The following VGLL3 variants were observed in gnomAD, a reference collection of about 807,000 sequenced individuals.
VGLL3 encodes the protein vestigial like family member 3.
In VGLL3, 18 loss-of-function variants were observed where a neutral mutation model predicts 29.2. That is an observed-to-expected ratio of 0.62 (90% CI 0.43 to 0.91). VGLL3 has a LOEUF of 0.91. Ranked by LOEUF, VGLL3 falls within the 40% of genes least tolerant of loss-of-function variation. VGLL3 has a pLI of 0.00. For missense variants in VGLL3, 440 were observed against 413.2 expected (o/e 1.06, Z -0.56); for synonymous variants, 180 against 151.8 (o/e 1.19, Z -1.36).
In VGLL3 at chr3:86,938,750, C is replaced by T. The variant is rs1704329403; in HGVS notation, c.*8274G>A. 6.6e-6 allele frequency: 1 copy of T among 152,590 alleles called. No individual in the cohort carries two copies. Among genetic ancestry groups the T allele is most frequent in the African/African-American group, 2.4e-5 (1 of 41,452 alleles). The allele number at this position is 152,590 out of a possible 1,614,324, so 9.5% of individuals were successfully genotyped here. ...TTTGCTTTTCCATAACAGTTTTCCA[C>T]TGCTTAACTGATAGCAGATGGAGTG... On this transcript the variant is annotated 3_prime_UTR_variant, in exon 4 of 4. Transcript: ENST00000398399.
At chr3:86,989,823 G>A (rs1285470551) in intron 1 of VGLL3, among the ~76,000 whole-genome samples, 1 of 152,064 alleles carries the variant, frequency 6.6e-6, no homozygotes, top group Non-Finnish European at 1.5e-5. Flanking sequence ...GTCCAAGGGC[G>A]CCTCGTGCCA....
chr3:86,989,217 T>C (rs1171481893), intron 1 of VGLL3, among the ~76,000 whole-genome samples: 1 of 152,226 alleles, frequency 6.6e-6, no homozygotes, highest in African/African-American at 2.4e-5. Flanking sequence ...TCTGAACATG[T>C]AGAGAAGTTT....
rs1704472194 is a variant in VGLL3 at position 86,944,776 on chromosome 3, T to G, written c.*2248A>C. On this transcript the variant is annotated 3_prime_UTR_variant, in exon 4 of 4. Transcript: ENST00000398399. ...ATGGAGCTAGGAATAACTACTTTCC[T>G]TTTCCTCTTCATTGGGAAAATCCAA... 6.6e-6 allele frequency: 1 copy of G among 152,218 alleles called. No individual in the cohort carries two copies. Among genetic ancestry groups the G allele is most frequent in the South Asian group, 2.1e-4 (1 of 4,832 alleles). 9.4% of individuals were successfully genotyped at this position (152,218 alleles called of 1,614,324 possible). A position where few individuals can be genotyped will look rare whatever the true frequency, so the allele number is the denominator to read the frequency against.
chr3:86,962,597 T>C (rs1704875706), intron 3 of VGLL3: 1 of 958,016 alleles, frequency 1.0e-6, no homozygotes, highest in Non-Finnish European at 1.2e-6. Context: ...AAATTGCATA[T>C]ATATGCTCTT....
At chr3:86,964,566 C>A (rs1040124241) in intron 3 of VGLL3, among the ~76,000 whole-genome samples, 1 of 152,076 alleles carries the variant, frequency 6.6e-6, no homozygotes, top group Non-Finnish European at 1.5e-5. Context: ...TATAAGAAAG[C>A]GAGCCTTAGA....
chr3:86,968,721 G>T lies in VGLL3; in HGVS notation c.806C>A (p.Ala269Glu), dbSNP rs368641887. The T allele has an allele frequency of 1.9e-6, 3 of 1,614,120 alleles. No homozygotes were observed. The highest frequency in any genetic ancestry group is 2.5e-6 in the Non-Finnish European group (3 of 1,180,022). Residue 269 changes from alanine to glutamate, a missense_variant, in exon 3 of 4, where the codon GCG becomes GAG. Ala to Glu is a moderately radical substitution (Grantham distance 107, BLOSUM62 -1). Transcript: ENST00000398399. The part of the protein sequence containing the change: ...YGPLLMPSVH[A>E]ARIPAPQCDI... ...ACACTGGGGAGCAGGAATCCTGGCC[G>T]CATGCACTGAAGGCATCAGCAGAGG...
intron 3 of VGLL3, among the ~76,000 whole-genome samples, chr3:86,961,411 A>G (rs577774640): frequency 6.6e-6 from 1 of 152,194 alleles, no homozygotes; most frequent in South Asian, 2.1e-4. Context: ...ATTGGCAACA[A>G]CAGGAAGTAA....
chr3:86,945,362 C>T lies in VGLL3; in HGVS notation c.*1662G>A, dbSNP rs370048792. 3.3e-5 allele frequency: 5 copies of T among 152,102 alleles called. No individual in the cohort carries two copies. The highest frequency in any genetic ancestry group is 1.2e-4 in the African/African-American group (5 of 41,484). The allele number at this position is 152,102 out of a possible 1,614,324, so 9.4% of individuals were successfully genotyped here. ...GTCTAAAAAGTTCGCATATATGATA[C>T]GAACAATTAAAGATAGAAAGTGGCA... On this transcript the variant is annotated 3_prime_UTR_variant, in exon 4 of 4. Coordinates refer to ENST00000398399, the MANE Select transcript of VGLL3 (RefSeq NM_016206.4).
chr3:86,961,843 A>T, intron 3 of VGLL3: 1 of 791,908 alleles, frequency 1.3e-6, no homozygotes, highest in Non-Finnish European at 1.5e-6. Context: ...TGAGAAGTTA[A>T]TAAGTACACC....
intron 1 of VGLL3, among the ~76,000 whole-genome samples, chr3:86,979,248 G>A (rs1705274904): frequency 1.3e-5 from 2 of 152,116 alleles, no homozygotes; most frequent in Admixed American, 6.6e-5. Flanking sequence ...GTGGAGTGGA[G>A]AAGAAAAGAA....
intron 3 of VGLL3, chr3:86,963,002 G>T: frequency 4.1e-6 from 1 of 241,562 alleles, no homozygotes; most frequent in Non-Finnish European, 8.9e-6. Flanking sequence ...GGCTGAGGCA[G>T]GACAATTGGT....
intron 3 of VGLL3, among the ~76,000 whole-genome samples, chr3:86,951,754 G>A (rs147860413): frequency 1.9e-4 from 29 of 149,698 alleles, no homozygotes; most frequent in African/African-American, 3.2e-4. Flanking sequence ...CTTAAAGCTC[G>A]CCTATGTTCC....
intron 2 of VGLL3, among the ~76,000 whole-genome samples, chr3:86,978,274 T>C (rs1248017504): frequency 2.0e-5 from 3 of 152,220 alleles, no homozygotes; most frequent in Non-Finnish European, 4.4e-5. Context: ...GCAGCCACTA[T>C]AAACTCAAGC....
rs779424679 is a variant in VGLL3, at chr3:86,940,814, ATTATC to A, written c.*6205_*6209del. 8 of 152,118 alleles carry A rather than the reference ATTATC, an allele frequency of 5.3e-5. No homozygotes were observed. The highest frequency in any genetic ancestry group is 1.2e-4 in the Non-Finnish European group (8 of 67,912). 9.4% of individuals were successfully genotyped at this position (152,118 alleles called of 1,614,324 possible). A position where few individuals can be genotyped will look rare whatever the true frequency, so the allele number is the denominator to read the frequency against. ...ACAGAAAAAAATATATAATTTTATA[ATTATC>A]TTATAAAGCCAAAAGTTTTATGAAT... On this transcript the variant is annotated 3_prime_UTR_variant, in exon 4 of 4. Transcript: ENST00000398399.
At position 86,968,939 on chromosome 3, in the gene VGLL3, G is replaced by C; in HGVS notation, c.588C>G (p.Gly196=). The change falls in exon 3 of 4, where the codon GGC becomes GGG. Residue 196 remains glycine (G), a synonymous_variant. Coordinates refer to ENST00000398399, the MANE Select transcript of VGLL3 (RefSeq NM_016206.4). ...CAGACACAGCAGGGGGAGGGGCTGG[G>C]CCAGTCTGATGCAGGTTGTGTCCCG... ...PWPGHNLHQT[G]PAPPPAVSES... is the part of the protein sequence containing the mutation. The C allele has an allele frequency of 6.2e-7, 1 of 1,614,140 alleles. No homozygotes were observed. Among genetic ancestry groups the C allele is most frequent in the Non-Finnish European group, 8.5e-7 (1 of 1,180,032 alleles).
rs555452941 is a variant in VGLL3, at chr3:86,940,862, T to C, written c.*6162A>G. On this transcript the variant is annotated 3_prime_UTR_variant, in exon 4 of 4. Coordinates refer to ENST00000398399, the MANE Select transcript of VGLL3 (RefSeq NM_016206.4). ...TTATGAATTATACTTTTTTTATTAG[T>C]TAAAAATGACAGCATAACTAAGGTT... 8.4e-4 allele frequency: 128 copies of C among 152,476 alleles called. No individual in the cohort carries two copies. Among genetic ancestry groups the C allele is most frequent in the Non-Finnish European group, 1.3e-3 (87 of 67,898 alleles). The allele number at this position is 152,476 out of a possible 1,614,324, so 9.4% of individuals were successfully genotyped here.
rs531517184 is a variant in VGLL3, at chr3:86,952,018, G to C, written c.938-4951C>G. Among the ~76,000 whole-genome samples the C allele has an allele frequency of 2.6e-5, 4 of 152,216 alleles. No individual in the cohort carries two copies. In the South Asian group the frequency reaches 8.3e-4, roughly 32 times the overall value. ...AGAGGAGGAGGGTATATTGGAAACA[G>C]CAGTCCAGGATAAGAATGAAAAGAC... On this transcript the variant is annotated intron_variant, in intron 3 of 3. Transcript: ENST00000398399.
chr3:86,962,698 G>T, intron 3 of VGLL3: 1 of 809,686 alleles, frequency 1.2e-6, no homozygotes, highest in Non-Finnish European at 1.5e-6. Flanking sequence ...ATTTCCAAGA[G>T]AATTAAACAC....
Position 86,939,926 on chromosome 3 carries a change from G to GA in VGLL3, c.*7097dup, listed in dbSNP as rs1423549788. On this transcript the variant is annotated 3_prime_UTR_variant, in exon 4 of 4. Coordinates refer to ENST00000398399, the MANE Select transcript of VGLL3 (RefSeq NM_016206.4). ...GCCCACCAAGACTAAGATCTTTGCTGAATGTCTGACTGACAGAGCTGTAAG... is the reference window on the plus strand; with the variant it reads ...GCCCACCAAGACTAAGATCTTTGCTGAAATGTCTGACTGACAGAGCTGTAAG... The GA allele has an allele frequency of 2.0e-5, 3 of 152,270 alleles. No homozygotes were observed. The highest frequency in any genetic ancestry group is 6.5e-5 in the Admixed American group (1 of 15,294). The allele number at this position is 152,270 out of a possible 1,614,324, so 9.4% of individuals were successfully genotyped here.
Sources: allele counts gnomAD v4.1 joint callset (sites outside exome capture counted in the v4.1 genomes callset), GRCh38; gene constraint gnomAD v4.1.1; transcripts MANE v1.5; gene names NCBI Gene and HGNC (gene_info 2026-07-23, HGNC 2026-07-21).